EPHA5: variants seen among roughly 807,000 people sequenced by gnomAD.
The protein encoded by EPHA5 is ephrin type-A receptor 5.
EPHA5 carries 60 observed loss-of-function variants against 105.0 expected under a neutral mutation model. The ratio of observed to expected loss-of-function variants is 0.57; its 90% CI spans 0.46 to 0.71. The LOEUF is 0.71. Ranked by LOEUF, EPHA5 falls within the 30% of genes least tolerant of loss-of-function variation. EPHA5 has a pLI of 0.00. For synonymous variants in EPHA5, 513 were observed against 449.1 expected (o/e 1.14, Z -1.80); for missense variants, 1,218 against 1,274.7 (o/e 0.96, Z 0.68).
chr4:65,432,969 C>A (rs1578106074), intron 5 of EPHA5, among the ~76,000 whole-genome samples: 1 of 151,972 alleles, frequency 6.6e-6, no homozygotes, highest in African/African-American at 2.4e-5. Flanking sequence ...TCTAAAGGTA[C>A]TTAACCTGAT....
rs549926627 is a variant in EPHA5 at position 65,502,498 on chromosome 4, A to G, written c.911-6955T>C. ...AAGATACAGTCAACAAACATGAAAA[A>G]AATGCTCTACATCACCAATCGGAGA... On this transcript the variant is annotated intron_variant, in intron 3 of 16. Coordinates refer to ENST00000613740, the MANE Select transcript of EPHA5 (RefSeq NM_001281766.3). Among the ~76,000 whole-genome samples the G allele has an allele frequency of 5.7e-4, 87 of 152,060 alleles. 1 individual carries two copies. The South Asian group carries it at 0.018, about 31-fold the overall frequency.
rs182597474 is a variant in EPHA5 at position 65,519,789 on chromosome 4, A to T, written c.911-24246T>A. 1.8e-3 allele frequency among the ~76,000 whole-genome samples: 280 copies of T among 152,264 alleles called. 3 individuals are homozygous for T. Among genetic ancestry groups the T allele is most frequent in the Non-Finnish European group, 1.7e-3 (113 of 68,026 alleles). ...ATGTCCATTCACCATTGCTTCAAAG[A>T]GAATAAAATCCCTAGGAATCCAACT... On this transcript the variant is annotated intron_variant, in intron 3 of 16. Coordinates refer to ENST00000613740, the MANE Select transcript of EPHA5 (RefSeq NM_001281766.3).
chr4:65,495,336 T>C, intron 4 of EPHA5, 52 bp downstream of exon 4: 1 of 1,563,938 alleles, frequency 6.4e-7, no homozygotes, highest in South Asian at 1.2e-5. Context: ...TCATGCTGTT[T>C]CCTCAAAACT....
chr4:65,408,718 A>T (rs988689037), intron 7 of EPHA5, among the ~76,000 whole-genome samples: 1 of 152,018 alleles, frequency 6.6e-6, no homozygotes, highest in East Asian at 1.9e-4. Context: ...GTGGAGAAAT[A>T]GGAACACTTT....
intron 2 of EPHA5, among the ~76,000 whole-genome samples, chr4:65,630,405 C>T (rs760756329): frequency 6.6e-6 from 1 of 152,114 alleles, no homozygotes; most frequent in Non-Finnish European, 1.5e-5. Context: ...ATACACTGTG[C>T]ATGAGGCCCC....
intron 5 of EPHA5, among the ~76,000 whole-genome samples, chr4:65,449,625 C>G (rs1486603382): frequency 1.3e-5 from 2 of 151,980 alleles, no homozygotes; most frequent in African/African-American, 2.4e-5. Flanking sequence ...GAACAGTGTT[C>G]CCCAAAAAGT....
At chr4:65,647,328 CAAAAAAA>C (rs55995799) in intron 1 of EPHA5, among the ~76,000 whole-genome samples, 6 of 70,904 alleles carry the variant, frequency 8.5e-5, no homozygotes, top group South Asian at 1.2e-3. Flanking sequence ...GACTCTGTCT[CAAAAAAA>C]AAAAAAAAAA....
intron 3 of EPHA5, among the ~76,000 whole-genome samples, chr4:65,595,468 T>C (rs1743078269): frequency 6.6e-6 from 1 of 152,170 alleles, no homozygotes; most frequent in African/African-American, 2.4e-5. Flanking sequence ...TGTAGTATTA[T>C]TCTTTGATAA....
intron 3 of EPHA5, among the ~76,000 whole-genome samples, chr4:65,589,150 G>C (rs1400774994): frequency 2.0e-5 from 3 of 151,982 alleles, no homozygotes; most frequent in Non-Finnish European, 4.4e-5. Flanking sequence ...TATGTACTGA[G>C]AGCAATAACC....
intron 9 of EPHA5, 59 bp downstream of exon 9, chr4:65,367,298 T>C: frequency 2.1e-6 from 3 of 1,412,144 alleles, no homozygotes; most frequent in Non-Finnish European, 3.0e-6. Flanking sequence ...AAAAGAAACT[T>C]AAATAACAAT....
chr4:65,387,069 T>C (rs1720169154), intron 8 of EPHA5, among the ~76,000 whole-genome samples: 1 of 151,894 alleles, frequency 6.6e-6, no homozygotes, highest in Non-Finnish European at 1.5e-5. Flanking sequence ...TAAGAATATG[T>C]TGGAAAATAG....
At chr4:65,402,445 G>C (rs975550053) in intron 8 of EPHA5, among the ~76,000 whole-genome samples, 1 of 151,972 alleles carries the variant, frequency 6.6e-6, no homozygotes, top group African/African-American at 2.4e-5. Context: ...GCCACATAAG[G>C]GTAAGTAAGA....
chr4:65,477,032 C>G (rs562423993), intron 5 of EPHA5, among the ~76,000 whole-genome samples: 1 of 152,074 alleles, frequency 6.6e-6, no homozygotes, highest in Non-Finnish European at 1.5e-5. Flanking sequence ...ACCATTGAAC[C>G]CATCATTTAT....
At chr4:65,654,390 A>G (rs1748882587) in intron 1 of EPHA5, among the ~76,000 whole-genome samples, 3 of 152,142 alleles carry the variant, frequency 2.0e-5, no homozygotes, top group African/African-American at 7.2e-5. Flanking sequence ...ATAGAATATA[A>G]CACCTACAAT....
At chr4:65,632,273 G>A (rs1400563963) in intron 2 of EPHA5, among the ~76,000 whole-genome samples, 1 of 151,948 alleles carries the variant, frequency 6.6e-6, no homozygotes, top group Non-Finnish European at 1.5e-5. Flanking sequence ...AAACTCAATG[G>A]AGGAGTAGCC....
rs149835568 is a variant in EPHA5, at chr4:65,324,188, C to G, written c.2977G>C (p.Gly993Arg). ...DLRRLGVTLV[G>R]HQKKIMNSLQ... ...CTGTTCATGATCTTCTTCTGGTGAC[C>G]GACAAGAGTCACTCCAAGCCGTCTC... Residue 993 changes from glycine to arginine, a missense_variant, in exon 17 of 17, where the codon GGT becomes CGT. Physicochemically the swap from Gly to Arg is moderately radical, Grantham distance 125. Coordinates refer to ENST00000613740, the MANE Select transcript of EPHA5 (RefSeq NM_001281766.3). 6.2e-7 allele frequency: 1 copy of G among 1,609,198 alleles called. No homozygotes were observed. Among genetic ancestry groups the G allele is most frequent in the African/African-American group, 1.3e-5 (1 of 74,538 alleles).
At chr4:65,653,888 A>T (rs999658049) in intron 1 of EPHA5, among the ~76,000 whole-genome samples, 5 of 152,188 alleles carry the variant, frequency 3.3e-5, no homozygotes, top group Non-Finnish European at 5.9e-5. Context: ...TTCATATCAG[A>T]CCATGGATCA....
chr4:65,428,351 G>T (rs1271950349), intron 5 of EPHA5, among the ~76,000 whole-genome samples: 3 of 151,844 alleles, frequency 2.0e-5, no homozygotes, highest in African/African-American at 4.8e-5. Flanking sequence ...TTCTTACTGT[G>T]TTGTCATTTG....
intron 3 of EPHA5, among the ~76,000 whole-genome samples, chr4:65,500,670 T>C (rs906857303): frequency 6.6e-6 from 1 of 151,028 alleles, no homozygotes; most frequent in African/African-American, 2.4e-5. Flanking sequence ...ACTAAGTATA[T>C]TCACTTCATA....
Sources: allele counts gnomAD v4.1 joint callset (sites outside exome capture counted in the v4.1 genomes callset), GRCh38; gene constraint gnomAD v4.1.1; transcripts MANE v1.5; gene names NCBI Gene and HGNC (gene_info 2026-07-23, HGNC 2026-07-21).